Variants in STAU2 observed in about 807,000 individuals in gnomAD.
The protein encoded by STAU2 is double-stranded RNA-binding protein Staufen homolog 2.
STAU2 carries 20 observed loss-of-function variants against 65.9 expected under a neutral mutation model. The observed-to-expected ratio is 0.30, with a 90% CI of 0.21 to 0.44. The LOEUF is 0.44. STAU2 is among the 20% of genes least tolerant of loss of function. The probability of loss-of-function intolerance (pLI) is 1.00; values close to 1 mark genes in which losing one functional copy is unlikely to be tolerated. For missense variants in STAU2, 558 were observed against 683.9 expected (o/e 0.82, Z 2.05); for synonymous variants, 232 against 233.9 (o/e 0.99, Z 0.07).
intron 13 of STAU2, chr8:73,550,131 T>G (rs1351107470): frequency 1.0e-6 from 1 of 985,282 alleles, no homozygotes; most frequent in African/African-American, 1.7e-5. Context: ...TACCAGCTCA[T>G]TCAACCAAAG....
At chr8:73,530,803 A>G (rs949378759) in intron 13 of STAU2, among the ~76,000 whole-genome samples, 3 of 152,204 alleles carry the variant, frequency 2.0e-5, no homozygotes, top group Admixed American at 1.3e-4. Flanking sequence ...ACAGCATGAG[A>G]GAATCCCAGC....
chr8:73,705,749 A>G (rs1021101993), intron 4 of STAU2, among the ~76,000 whole-genome samples: 1 of 152,236 alleles, frequency 6.6e-6, no homozygotes, highest in African/African-American at 2.4e-5. Context: ...TAATAGTCAC[A>G]TATTACAAGT....
intron 6 of STAU2, among the ~76,000 whole-genome samples, chr8:73,655,985 G>A (rs1255558374): frequency 1.3e-5 from 2 of 151,732 alleles, no homozygotes; most frequent in Admixed American, 6.6e-5. Context: ...GGGTTTCACC[G>A]TGTTAGCCAG....
At chr8:73,509,770 G>A (rs192572211) in intron 13 of STAU2, among the ~76,000 whole-genome samples, 40 of 152,082 alleles carry the variant, frequency 2.6e-4, no homozygotes, top group Admixed American at 1.2e-3. Flanking sequence ...AACAATTACT[G>A]GGGAATTATA....
intron 13 of STAU2, among the ~76,000 whole-genome samples, chr8:73,498,679 T>C (rs1211783959): frequency 1.3e-5 from 2 of 151,842 alleles, no homozygotes; most frequent in Admixed American, 1.3e-4. Flanking sequence ...ATAGTCCTTA[T>C]TTTGTAAACA....
chr8:73,695,698 T>TCTAC (rs781271278), intron 4 of STAU2, among the ~76,000 whole-genome samples: 3 of 152,004 alleles, frequency 2.0e-5, no homozygotes, highest in Non-Finnish European at 2.9e-5. Flanking sequence ...CATTTCCGGA[T>TCTAC]CTACTTCAGG....
At chr8:73,428,913 C>T (rs1017754910) in intron 13 of STAU2, among the ~76,000 whole-genome samples, 3 of 152,174 alleles carry the variant, frequency 2.0e-5, no homozygotes, top group South Asian at 2.1e-4. Flanking sequence ...GCAGGTCCCC[C>T]GTGCACTGTC....
chr8:73,698,370 G>A (rs1256361304), intron 4 of STAU2, among the ~76,000 whole-genome samples: 1 of 152,054 alleles, frequency 6.6e-6, no homozygotes, highest in African/African-American at 2.4e-5. Flanking sequence ...TAGAGTGGCT[G>A]AATGGAGAAA....
intron 13 of STAU2, among the ~76,000 whole-genome samples, chr8:73,478,463 A>T (rs1019643989): frequency 6.6e-6 from 1 of 151,698 alleles, no homozygotes; most frequent in Admixed American, 6.6e-5. Context: ...TACCTGACGC[A>T]GAGTAGATGC....
At chr8:73,522,620 C>T (rs1162691465) in intron 13 of STAU2, among the ~76,000 whole-genome samples, 1 of 152,178 alleles carries the variant, frequency 6.6e-6, no homozygotes, top group Non-Finnish European at 1.5e-5. Flanking sequence ...GCTGAGAAAT[C>T]TGTATCTGAA....
At chr8:73,721,113 C>A (rs1319777147) in intron 3 of STAU2, among the ~76,000 whole-genome samples, 2 of 116,994 alleles carry the variant, frequency 1.7e-5, no homozygotes, top group African/African-American at 3.5e-5. Context: ...GATCCCAACA[C>A]TACAAAAAAA....
chr8:73,642,925 G>A (rs1395744592), intron 6 of STAU2, among the ~76,000 whole-genome samples: 1 of 152,182 alleles, frequency 6.6e-6, no homozygotes, highest in Non-Finnish European at 1.5e-5. Context: ...CAGCAGGTGG[G>A]TTAGAGAAGT....
intron 11 of STAU2, among the ~76,000 whole-genome samples, chr8:73,588,851 C>G (rs778661025): frequency 5.3e-5 from 8 of 152,168 alleles, no homozygotes; most frequent in Non-Finnish European, 1.0e-4. Flanking sequence ...TTGGTTACCA[C>G]AGAGAAGACA....
intron 12 of STAU2, among the ~76,000 whole-genome samples, chr8:73,573,478 C>T (rs1315272046): frequency 6.6e-6 from 1 of 152,174 alleles, no homozygotes; most frequent in East Asian, 1.9e-4. Context: ...AAGCTGGAGG[C>T]ATCATGCTAC....
chr8:73,582,371 C>A (rs1810050269), intron 12 of STAU2, among the ~76,000 whole-genome samples: 1 of 151,038 alleles, frequency 6.6e-6, no homozygotes, highest in African/African-American at 2.4e-5. Flanking sequence ...ATAATTGGAA[C>A]TTTGAAAGTT....
chr8:73,720,012 G>A (rs1043364740), intron 3 of STAU2, among the ~76,000 whole-genome samples: 3 of 152,100 alleles, frequency 2.0e-5, no homozygotes, highest in Non-Finnish European at 2.9e-5. Flanking sequence ...AGGCATGATA[G>A]CTCATGTCTG....
chr8:73,537,558 C>T (rs1554537523), intron 13 of STAU2, among the ~76,000 whole-genome samples: 1 of 152,146 alleles, frequency 6.6e-6, no homozygotes, highest in Non-Finnish European at 1.5e-5. Context: ...AAGGAACAGG[C>T]ATAACGTTTT....
At chr8:73,614,719 T>A (rs1812710111) in intron 8 of STAU2, among the ~76,000 whole-genome samples, 1 of 152,078 alleles carries the variant, frequency 6.6e-6, no homozygotes, top group Admixed American at 6.6e-5. Flanking sequence ...CTAAGAATAA[T>A]AAAACTGTCT....
intron 3 of STAU2, among the ~76,000 whole-genome samples, chr8:73,737,575 T>TG (rs1806530431): frequency 6.6e-6 from 1 of 151,664 alleles, no homozygotes; most frequent in African/African-American, 2.4e-5. Flanking sequence ...CTTTTTTTTT[T>TG]TTTTGTTTTT....
Sources: allele counts gnomAD v4.1 joint callset (sites outside exome capture counted in the v4.1 genomes callset), GRCh38; gene constraint gnomAD v4.1.1; transcripts MANE v1.5; gene names NCBI Gene and HGNC (gene_info 2026-07-23, HGNC 2026-07-21).